COPG1: variants seen among roughly 807,000 people sequenced by gnomAD.
The protein encoded by COPG1 is coatomer subunit gamma-1.
COPG1 carries 29 observed loss-of-function variants against 102.8 expected under a neutral mutation model. That is an observed-to-expected ratio of 0.28 (90% CI 0.21 to 0.38). The LOEUF (loss-of-function observed/expected upper bound fraction) is 0.38. COPG1 is among the 10% of genes least tolerant of loss of function. The pLI is 1.00. For synonymous variants in COPG1, 406 were observed against 421.6 expected (o/e 0.96, Z 0.45); for missense variants, 875 against 1,132.7 (o/e 0.77, Z 3.27).
Position 129,272,749 on chromosome 3 carries a change from G to A in COPG1, c.2159-58G>A. The A allele has an allele frequency of 1.8e-6, 2 of 1,110,808 alleles. 1 individual carries two copies. The highest frequency in any genetic ancestry group is 4.3e-4 in the Middle Eastern group (2 of 4,602). 68.8% of individuals were successfully genotyped at this position (1,110,808 alleles called of 1,614,324 possible). A position where few individuals can be genotyped will look rare whatever the true frequency, so the allele number is the denominator to read the frequency against. On this transcript the variant is annotated intron_variant, in intron 20 of 23. Coordinates refer to ENST00000314797, the MANE Select transcript of COPG1 (RefSeq NM_016128.4). Reference sequence around the variant, plus strand: ...CCCTGCCTGCTTGTCCCCTGCAGGAGGAGCCCATCCCCTGCAGGCTGGGGA... The same window carrying A: ...CCCTGCCTGCTTGTCCCCTGCAGGAAGAGCCCATCCCCTGCAGGCTGGGGA...
At chr3:129,262,662 G>T (rs1390137751) in intron 12 of COPG1, among the ~76,000 whole-genome samples, 1 of 151,664 alleles carries the variant, frequency 6.6e-6, no homozygotes, top group African/African-American at 2.4e-5. Context: ...GTTCGAGGCT[G>T]CAGTGAGCCA....
chr3:129,251,531 C>T (rs542223278), intron 2 of COPG1, among the ~76,000 whole-genome samples: 4 of 151,732 alleles, frequency 2.6e-5, no homozygotes, highest in African/African-American at 4.8e-5. Context: ...TACAGGCGCA[C>T]GCCACTATGC....
chr3:129,272,415 G>A lies in COPG1; in HGVS notation c.2158G>A (p.Val720Met), dbSNP rs1168281822. 5 of 1,612,124 alleles carry A rather than the reference G, an allele frequency of 3.1e-6. No individual in the cohort carries two copies. The highest frequency in any genetic ancestry group is 3.4e-6 in the Non-Finnish European group (4 of 1,179,202). ...ACTGCCCAAAGAAGACCCCACAGCT[G>A]GTGAGCCCCTCTCCAGATACCACCC... The part of the protein sequence containing the change: ...VALPKEDPTA[V>M]ACTFSCMMKF... The change falls in exon 20 of 24, where the codon GTG becomes ATG. Residue 720 changes from valine (V) to methionine (M), a missense_variant and splice_region_variant. By Grantham distance (21) the Val-to-Met change is conservative. Coordinates refer to ENST00000314797, the MANE Select transcript of COPG1 (RefSeq NM_016128.4).
rs559583557 is a variant in COPG1, at chr3:129,277,760, A to G, written c.*336A>G. ...CATCTTATCCCTGTAATAAATCAGC[A>G]TGTATTTATTGAATGATTGCTACTT... On this transcript the variant is annotated 3_prime_UTR_variant, in exon 24 of 24. Coordinates refer to ENST00000314797, the MANE Select transcript of COPG1 (RefSeq NM_016128.4). 1.1e-4 allele frequency: 27 copies of G among 255,330 alleles called. No individual in the cohort carries two copies. The highest frequency in any genetic ancestry group is 1.8e-4 in the Non-Finnish European group (23 of 127,624). The allele number at this position is 255,330 out of a possible 1,614,324, so 15.8% of individuals were successfully genotyped here. A position where few individuals can be genotyped will look rare whatever the true frequency, so the allele number is the denominator to read the frequency against.
chr3:129,254,675 A>G lies in COPG1; in HGVS notation c.331A>G (p.Lys111Glu). Reference protein sequence around the residue: ...DVIIVTSSLTKDMTGKEDNYR... With the variant: ...DVIIVTSSLTEDMTGKEDNYR... ...ATGCCTTCTTCCCTGCAGCCTAACA[A>G]AAGACATGACTGGGAAAGAAGACAA... The change falls in exon 6 of 24, where the codon AAA becomes GAA. Residue 111 changes from lysine (K) to glutamate (E), a missense_variant. By Grantham distance (56) the Lys-to-Glu change is moderately conservative (BLOSUM62 1). Coordinates refer to ENST00000314797, the MANE Select transcript of COPG1 (RefSeq NM_016128.4). The G allele has an allele frequency of 6.2e-7, 1 of 1,614,086 alleles. No homozygotes were observed. Among genetic ancestry groups the G allele is most frequent in the Non-Finnish European group, 8.5e-7 (1 of 1,179,932 alleles).
Position 129,265,602 on chromosome 3 carries a change from A to C in COPG1, c.1278A>C (p.Glu426Asp), listed in dbSNP as rs1940037582. The C allele has an allele frequency of 6.2e-7, 1 of 1,614,074 alleles. No homozygotes were observed. The highest frequency in any genetic ancestry group is 8.5e-7 in the Non-Finnish European group (1 of 1,180,028). The change falls in exon 14 of 24, where the codon GAA becomes GAC. Residue 426 changes from glutamate (E) to aspartate (D), a missense_variant. Coordinates refer to ENST00000314797, the MANE Select transcript of COPG1 (RefSeq NM_016128.4). ...TGGACTGCATCATCAGCATCATTGA[A>C]GAGAACTCAGAGAGCAAGGAGACAG... is the stretch of plus-strand genomic sequence containing the variant. The part of the protein sequence containing the change: ...AIVDCIISII[E>D]ENSESKETGL...
intron 2 of COPG1, among the ~76,000 whole-genome samples, chr3:129,251,233 A>G (rs532047385): frequency 1.5e-4 from 23 of 150,002 alleles, no homozygotes; most frequent in African/African-American, 5.6e-4. Context: ...TCTCTATTTA[A>G]ACATTTAAAA....
In COPG1 at chr3:129,263,964, C is replaced by T; in HGVS notation, c.1189C>T (p.Leu397Phe). The T allele has an allele frequency of 6.2e-7, 1 of 1,614,128 alleles. No homozygotes were observed. Among genetic ancestry groups the T allele is most frequent in the East Asian group, 2.2e-5 (1 of 44,882 alleles). Residue 397 changes from leucine to phenylalanine, a missense_variant, in exon 13 of 24, where the codon CTT becomes TTT. Physicochemically the swap from Leu to Phe is conservative, Grantham distance 22 (BLOSUM62 0). Coordinates refer to ENST00000314797, the MANE Select transcript of COPG1 (RefSeq NM_016128.4). ...GAAATATCCTCGCAAACACGCCGTC[C>T]TTATGAACTTCCTGTTCACCATGCT... ...CQKYPRKHAV[L>F]MNFLFTMLRE...
intron 1 of COPG1, 77 bp from the exon 2 acceptor site, chr3:129,250,605 T>G: frequency 8.7e-7 from 1 of 1,153,830 alleles, no homozygotes; most frequent in Non-Finnish European, 1.3e-6. Context: ...GGAAGGGACA[T>G]CTTCCCTTTA....
chr3:129,268,346 T>A, intron 16 of COPG1, 149 bp from the exon 17 acceptor site: 1 of 754,742 alleles, frequency 1.3e-6, no homozygotes, highest in Non-Finnish European at 2.1e-6. Context: ...AGGATGTGTC[T>A]GAGAATGCAG....
At chr3:129,254,788 G>A in intron 6 of COPG1, 45 bp downstream of exon 6, 1 of 1,535,352 alleles carries the variant, frequency 6.5e-7, no homozygotes, top group East Asian at 2.3e-5. Flanking sequence ...TCTTGATTGA[G>A]GCCTCGGCAT....
chr3:129,272,987 C>T, intron 21 of COPG1, 83 bp downstream of exon 21: 1 of 643,928 alleles, frequency 1.6e-6, no homozygotes, highest in Non-Finnish European at 2.7e-6. Flanking sequence ...GAGACTGGAG[C>T]TGTTTTTGGC....
At chr3:129,251,688 TTC>T (rs904952610) in intron 2 of COPG1, among the ~76,000 whole-genome samples, 1 of 150,120 alleles carries the variant, frequency 6.7e-6, no homozygotes, top group African/African-American at 2.5e-5. Flanking sequence ...GCCCGGCCAC[TTC>T]TCTTTTTTTT....
chr3:129,250,889 G>T (rs1939679777), intron 2 of COPG1, 155 bp downstream of exon 2: 3 of 554,960 alleles, frequency 5.4e-6, no homozygotes, highest in Non-Finnish European at 1.0e-5. Flanking sequence ...TTTGTTTCTG[G>T]AGAGAGTTAG....
chr3:129,250,034 T>C (rs1369719275), intron 1 of COPG1, among the ~76,000 whole-genome samples: 1 of 150,882 alleles, frequency 6.6e-6, no homozygotes, highest in East Asian at 2.0e-4. Flanking sequence ...CCGAATGTTC[T>C]CTTGTTACTT....
intron 2 of COPG1, among the ~76,000 whole-genome samples, 179 bp from the exon 3 acceptor site, chr3:129,252,102 G>A (rs980985650): frequency 1.3e-5 from 2 of 152,210 alleles, no homozygotes; most frequent in African/African-American, 4.8e-5. Context: ...GAGAGTCTAA[G>A]AATAATTAGT....
At chr3:129,261,424 C>G (rs1025700864) in intron 12 of COPG1, among the ~76,000 whole-genome samples, 1 of 152,114 alleles carries the variant, frequency 6.6e-6, no homozygotes, top group African/African-American at 2.4e-5. Flanking sequence ...GTGCAGGTGA[C>G]AAAGTCAGAA....
chr3:129,257,265 CA>C (rs1431672416), intron 8 of COPG1, among the ~76,000 whole-genome samples: 3 of 152,204 alleles, frequency 2.0e-5, no homozygotes, highest in African/African-American at 7.2e-5. Flanking sequence ...ACAAGAACCA[CA>C]GATATACTTC....
At chr3:129,254,848 G>A in intron 6 of COPG1, 105 bp downstream of exon 6, 1 of 1,227,366 alleles carries the variant, frequency 8.1e-7, no homozygotes, top group Non-Finnish European at 1.2e-6. Flanking sequence ...CAGGTGATGT[G>A]GGGTGGAGGC....
Sources: allele counts gnomAD v4.1 joint callset (sites outside exome capture counted in the v4.1 genomes callset), GRCh38; gene constraint gnomAD v4.1.1; transcripts MANE v1.5; gene names NCBI Gene and HGNC (gene_info 2026-07-23, HGNC 2026-07-21).